IPO11: variants seen among roughly 807,000 people sequenced by gnomAD.
IPO11 encodes the protein importin 11.
A neutral mutation model predicts 143.2 loss-of-function variants in IPO11; 66 were observed. That is an observed-to-expected ratio of 0.46 (90% CI 0.38 to 0.57). The LOEUF is 0.57. IPO11 is among the 20% of genes least tolerant of loss of function. The probability of loss-of-function intolerance (pLI) is 0.00; values close to 1 mark genes in which losing one functional copy is unlikely to be tolerated. For synonymous variants in IPO11, 385 were observed against 377.8 expected (o/e 1.02, Z -0.22); for missense variants, 1,026 against 1,141.0 (o/e 0.90, Z 1.45).
chr5:62,523,278 C>A (rs1742260792), intron 20 of IPO11, among the ~76,000 whole-genome samples: 1 of 152,116 alleles, frequency 6.6e-6, no homozygotes, highest in Non-Finnish European at 1.5e-5. Flanking sequence ...TGTATTGAAA[C>A]TGTTCCTCTG....
intron 1 of IPO11, among the ~76,000 whole-genome samples, chr5:62,434,186 C>T (rs758722202): frequency 2.6e-5 from 4 of 152,202 alleles, no homozygotes; most frequent in Non-Finnish European, 5.9e-5. Flanking sequence ...TGAAGCTCTG[C>T]CTTCTGATCC....
intron 9 of IPO11, among the ~76,000 whole-genome samples, chr5:62,478,506 T>C (rs1746050713): frequency 6.6e-6 from 1 of 152,180 alleles, no homozygotes; most frequent in South Asian, 2.1e-4. Context: ...CACAATTTTA[T>C]ATTTAAAAAA....
intron 29 of IPO11, among the ~76,000 whole-genome samples, chr5:62,614,835 C>T (rs1225860234): frequency 2.0e-5 from 3 of 152,122 alleles, no homozygotes; most frequent in Non-Finnish European, 4.4e-5. Flanking sequence ...TCAGGTCACA[C>T]ACAGACTTGA....
intron 26 of IPO11, among the ~76,000 whole-genome samples, chr5:62,559,916 CA>C (rs759468696): frequency 0.017 from 298 of 17,054 alleles, no homozygotes; most frequent in Middle Eastern, 0.033. Context: ...AACTCTGTCT[CA>C]AAAAAAAAAA....
chr5:62,583,394 GTA>G (rs1252620089), intron 27 of IPO11, among the ~76,000 whole-genome samples: 2 of 152,026 alleles, frequency 1.3e-5, no homozygotes, highest in African/African-American at 4.8e-5. Flanking sequence ...ATATAACAAA[GTA>G]TTTTTATCTT....
rs757922963 is a variant in IPO11, at chr5:62,474,476, C to T, written c.757+12C>T. On this transcript the variant is annotated intron_variant, in intron 8 of 29. Coordinates refer to ENST00000325324, the MANE Select transcript of IPO11 (RefSeq NM_016338.5). ...GTTTCTGGAATGCAGTAAGTACTTTCGTTGCAGTCCTTTTTACTGTAGAAT... is the reference window on the plus strand; with the variant it reads ...GTTTCTGGAATGCAGTAAGTACTTTTGTTGCAGTCCTTTTTACTGTAGAAT... 19 of 1,565,052 alleles carry T rather than the reference C, an allele frequency of 1.2e-5. No individual in the cohort carries two copies. The highest frequency in any genetic ancestry group is 2.4e-5 in the South Asian group (2 of 83,364).
At chr5:62,581,394 G>C in intron 27 of IPO11, 1 of 1,013,090 alleles carries the variant, frequency 9.9e-7, no homozygotes, top group South Asian at 2.0e-5. Flanking sequence ...TACTTTAGTT[G>C]GAAATATAAT....
intron 16 of IPO11, among the ~76,000 whole-genome samples, chr5:62,498,986 A>G (rs935327160): frequency 3.9e-5 from 6 of 152,258 alleles, no homozygotes; most frequent in African/African-American, 9.6e-5. Context: ...GTGAAAGCCT[A>G]TGTAAGATAT....
intron 29 of IPO11, among the ~76,000 whole-genome samples, chr5:62,617,536 C>A (rs1746185740): frequency 6.6e-6 from 1 of 152,120 alleles, no homozygotes; most frequent in Admixed American, 6.5e-5. Flanking sequence ...CCATAGCACA[C>A]CCCTAAATAT....
At chr5:62,621,803 T>C (rs1746387665) in intron 29 of IPO11, among the ~76,000 whole-genome samples, 1 of 152,190 alleles carries the variant, frequency 6.6e-6, no homozygotes, top group Admixed American at 6.5e-5. Context: ...TGAGGAATCC[T>C]TTGGAATTCA....
chr5:62,416,734 T>A lies in IPO11; in HGVS notation c.-7+3805T>A, dbSNP rs1023105037. On this transcript the variant is annotated intron_variant, in intron 1 of 29. Transcript: ENST00000325324. ...TATTATCTTTTTTTTTTTTTATTTTTTTTTTTTGAGACAGAGTACTCACTC... is the reference window on the plus strand; with the variant it reads ...TATTATCTTTTTTTTTTTTTATTTTATTTTTTTGAGACAGAGTACTCACTC... Among the ~76,000 whole-genome samples, 96 of 151,260 alleles carry A rather than the reference T, an allele frequency of 6.3e-4. 1 individual carries two copies. The highest frequency in any genetic ancestry group is 1.2e-4 in the African/African-American group (5 of 41,180).
chr5:62,433,058 C>T (rs1359929733), intron 1 of IPO11, among the ~76,000 whole-genome samples: 1 of 152,012 alleles, frequency 6.6e-6, no homozygotes, highest in Non-Finnish European at 1.5e-5. Context: ...GGTTATTTAC[C>T]CATGCCTGAA....
At chr5:62,527,854 A>G (rs1742416867) in intron 21 of IPO11, among the ~76,000 whole-genome samples, 1 of 152,174 alleles carries the variant, frequency 6.6e-6, no homozygotes, top group Non-Finnish European at 1.5e-5. Flanking sequence ...TAGAGTTTAT[A>G]TTTGAAATCA....
intron 5 of IPO11, among the ~76,000 whole-genome samples, chr5:62,454,531 G>T (rs563565657): frequency 6.6e-6 from 1 of 152,146 alleles, no homozygotes; most frequent in African/African-American, 2.4e-5. Context: ...ATATTTAGTC[G>T]AGGCAATCTC....
chr5:62,603,211 G>C (rs1561383148), intron 29 of IPO11, among the ~76,000 whole-genome samples: 1 of 152,166 alleles, frequency 6.6e-6, no homozygotes, highest in Non-Finnish European at 1.5e-5. Flanking sequence ...TAACATTGAA[G>C]TAAGTGTGAG....
At chr5:62,415,741 T>G (rs1303304830) in intron 1 of IPO11, among the ~76,000 whole-genome samples, 1 of 152,090 alleles carries the variant, frequency 6.6e-6, no homozygotes, top group Non-Finnish European at 1.5e-5. Context: ...GTGCTGGGAT[T>G]ACAGGCTTGA....
chr5:62,511,585 A>C (rs1741748974), intron 19 of IPO11, among the ~76,000 whole-genome samples: 1 of 152,096 alleles, frequency 6.6e-6, no homozygotes, highest in East Asian at 1.9e-4. Flanking sequence ...ACCACAGGAG[A>C]GGGGAGCAAA....
chr5:62,456,117 C>T (rs1301134531), intron 5 of IPO11, among the ~76,000 whole-genome samples: 1 of 152,012 alleles, frequency 6.6e-6, no homozygotes, highest in African/African-American at 2.4e-5. Flanking sequence ...TAACCTCCAC[C>T]TCCCAGGTTC....
intron 27 of IPO11, among the ~76,000 whole-genome samples, chr5:62,573,346 A>G (rs1447782898): frequency 1.3e-5 from 2 of 152,232 alleles, no homozygotes; most frequent in East Asian, 1.9e-4. Context: ...CTATCAATAA[A>G]TAGATCTGAT....
Sources: allele counts gnomAD v4.1 joint callset (sites outside exome capture counted in the v4.1 genomes callset), GRCh38; gene constraint gnomAD v4.1.1; transcripts MANE v1.5; gene names NCBI Gene and HGNC (gene_info 2026-07-23, HGNC 2026-07-21).